NBEA: variants seen among roughly 807,000 people sequenced by gnomAD.
The protein encoded by NBEA is neurobeachin.
A neutral mutation model predicts 343.4 loss-of-function variants in NBEA; 44 were observed. The observed-to-expected ratio is 0.13, with a 90% CI of 0.10 to 0.16. The LOEUF is 0.16. Ranked by LOEUF, NBEA falls within the 10% of genes least tolerant of loss-of-function variation. The pLI, the probability that NBEA is intolerant of heterozygous loss-of-function variation, is 1.00. For synonymous variants in NBEA, 1,175 were observed against 1,238.7 expected (o/e 0.95, Z 1.08); for missense variants, 2,555 against 3,631.3 (o/e 0.70, Z 7.62).
At chr13:35,142,216 A>G in intron 17 of NBEA, 53 bp from the exon 18 acceptor site, 1 of 1,122,524 alleles carries the variant, frequency 8.9e-7, no homozygotes, top group Non-Finnish European at 1.3e-6. Context: ...AAGTCATGTG[A>G]TCGGAGAATC....
intron 40 of NBEA, among the ~76,000 whole-genome samples, chr13:35,455,184 A>G (rs770566190): frequency 2.0e-5 from 3 of 152,124 alleles, no homozygotes; most frequent in Non-Finnish European, 4.4e-5. Flanking sequence ...GCTGATTAGC[A>G]TACTACATTT....
chr13:35,015,087 G>A (rs764819695), intron 1 of NBEA, among the ~76,000 whole-genome samples: 13 of 124,046 alleles, frequency 1.0e-4, no homozygotes, highest in Non-Finnish European at 1.7e-4. Flanking sequence ...TCGTGCTCTT[G>A]CCTTGCCGCC....
rs566106218 is a variant in NBEA, at chr13:35,638,471, G to A, written c.7618-7398G>A. On this transcript the variant is annotated intron_variant, in intron 49 of 58. Coordinates refer to ENST00000379939, the MANE Select transcript of NBEA (RefSeq NM_001385012.1). ...AGTACTGGCCAGGCACTGCCAAAAC[G>A]GGACTTGGCAGAGAGGGGCCATATA... Among the ~76,000 whole-genome samples, 12 of 152,268 alleles carry A rather than the reference G, an allele frequency of 7.9e-5. No homozygotes were observed. In the East Asian group the frequency reaches 9.7e-4, roughly 12 times the overall value.
chr13:35,635,225 T>TC (rs1566439878), intron 49 of NBEA, among the ~76,000 whole-genome samples: 1 of 151,928 alleles, frequency 6.6e-6, no homozygotes, highest in South Asian at 2.1e-4. Flanking sequence ...CAGCCTTTCC[T>TC]CCCCCCATTT....
chr13:35,356,719 T>G (rs2152870081), intron 38 of NBEA, among the ~76,000 whole-genome samples: 1 of 152,244 alleles, frequency 6.6e-6, no homozygotes, highest in South Asian at 2.1e-4. Context: ...CACCATTACG[T>G]CTGACCTCAC....
intron 30 of NBEA, among the ~76,000 whole-genome samples, chr13:35,195,452 G>C (rs1315110443): frequency 6.6e-6 from 1 of 151,888 alleles, no homozygotes; most frequent in South Asian, 2.1e-4. Context: ...AGGCAGGAGT[G>C]CAGTGGCATG....
chr13:35,402,547 A>C (rs1442049047), intron 38 of NBEA, among the ~76,000 whole-genome samples: 3 of 152,134 alleles, frequency 2.0e-5, no homozygotes, highest in Non-Finnish European at 4.4e-5. Flanking sequence ...GTGTAGGAAA[A>C]GAACCGAACC....
intron 47 of NBEA, 82 bp from the exon 48 acceptor site, chr13:35,606,344 A>AT: frequency 1.5e-6 from 1 of 667,192 alleles, no homozygotes; most frequent in South Asian, 7.3e-5. Flanking sequence ...TTCCATTTAT[A>AT]GTTAATAAGT....
intron 1 of NBEA, among the ~76,000 whole-genome samples, chr13:35,020,096 C>T (rs912895122): frequency 2.0e-5 from 3 of 151,834 alleles, no homozygotes; most frequent in Admixed American, 6.6e-5. Flanking sequence ...TAATGTGGAA[C>T]CTAAGGTCAT....
intron 18 of NBEA, among the ~76,000 whole-genome samples, chr13:35,144,848 T>C (rs2068316404): frequency 6.6e-6 from 1 of 152,120 alleles, no homozygotes; most frequent in South Asian, 2.1e-4. Context: ...GGAACTGTTG[T>C]AATGTAAAAG....
At chr13:35,615,086 C>A (rs1243976838) in intron 48 of NBEA, among the ~76,000 whole-genome samples, 3 of 148,610 alleles carry the variant, frequency 2.0e-5, no homozygotes, top group Non-Finnish European at 4.4e-5. Flanking sequence ...AGTTCAAGGA[C>A]CAGCCTGGGC....
chr13:35,109,693 T>G (rs1472975222), intron 12 of NBEA, among the ~76,000 whole-genome samples: 1 of 152,150 alleles, frequency 6.6e-6, no homozygotes, highest in Non-Finnish European at 1.5e-5. Flanking sequence ...TACTTTTCAA[T>G]GAAGAAAATT....
chr13:35,359,362 G>A (rs763283144), intron 38 of NBEA, among the ~76,000 whole-genome samples: 6 of 151,882 alleles, frequency 4.0e-5, no homozygotes, highest in Non-Finnish European at 7.4e-5. Flanking sequence ...ATGTTTTATA[G>A]CCATGTGAAT....
At chr13:35,138,240 A>G (rs1367866329) in intron 17 of NBEA, among the ~76,000 whole-genome samples, 4 of 152,170 alleles carry the variant, frequency 2.6e-5, no homozygotes, top group African/African-American at 9.7e-5. Flanking sequence ...CCTTAATAGT[A>G]GAAATATAAA....
chr13:35,351,650 A>G (rs2152865107), intron 37 of NBEA, among the ~76,000 whole-genome samples: 1 of 152,110 alleles, frequency 6.6e-6, no homozygotes, highest in South Asian at 2.1e-4. Flanking sequence ...GTACATTAAA[A>G]TATATGGAGT....
At position 34,994,556 on chromosome 13, in the gene NBEA, G is replaced by A. The variant is rs140547153; in HGVS notation, c.295-46377G>A. 7.6e-3 allele frequency among the ~76,000 whole-genome samples: 1,163 copies of A among 152,048 alleles called. 14 individuals are homozygous for A. The highest frequency in any genetic ancestry group is 0.027 in the African/African-American group (1,115 of 41,452). On this transcript the variant is annotated intron_variant, in intron 1 of 58. Coordinates refer to ENST00000379939, the MANE Select transcript of NBEA (RefSeq NM_001385012.1). ...CCTATGTATGTAACTACTTTTAATG[G>A]TTATTTTTCAGATACAATTTACCAT...
intron 38 of NBEA, among the ~76,000 whole-genome samples, chr13:35,389,237 G>T (rs2042387548): frequency 6.6e-6 from 1 of 151,924 alleles, no homozygotes; most frequent in African/African-American, 2.4e-5. Flanking sequence ...TATGATCTCT[G>T]GAAAGCATTG....
At chr13:35,165,666 A>ATT (rs1415813695) in intron 24 of NBEA, among the ~76,000 whole-genome samples, 1 of 148,478 alleles carries the variant, frequency 6.7e-6, no homozygotes, top group African/African-American at 2.5e-5. Flanking sequence ...CATAGAGGGC[A>ATT]TTTTTTTCTT....
intron 38 of NBEA, among the ~76,000 whole-genome samples, chr13:35,372,658 C>T (rs914139093): frequency 6.6e-6 from 1 of 152,118 alleles, no homozygotes; most frequent in Non-Finnish European, 1.5e-5. Context: ...GGGGAGTGTG[C>T]ACTTCAGCCC....
Sources: allele counts gnomAD v4.1 joint callset (sites outside exome capture counted in the v4.1 genomes callset), GRCh38; gene constraint gnomAD v4.1.1; transcripts MANE v1.5; gene names NCBI Gene and HGNC (gene_info 2026-07-23, HGNC 2026-07-21).